HGS: variants seen among roughly 807,000 people sequenced by gnomAD.
HGS encodes the protein hepatocyte growth factor-regulated tyrosine kinase substrate.
A neutral mutation model predicts 109.7 loss-of-function variants in HGS; 63 were observed. The observed-to-expected ratio is 0.57, with a 90% CI of 0.47 to 0.71. The LOEUF is 0.71. HGS is among the 30% of genes least tolerant of loss of function. The pLI, the probability that HGS is intolerant of heterozygous loss-of-function variation, is 0.00. For synonymous variants in HGS, 546 were observed against 437.3 expected (o/e 1.25, Z -3.10); for missense variants, 995 against 1,068.3 (o/e 0.93, Z 0.96).
At chr17:81,700,392 CT>C in intron 18 of HGS, 74 bp from the exon 19 acceptor site, 4 of 1,047,124 alleles carry the variant, frequency 3.8e-6, no homozygotes, top group Non-Finnish European at 5.4e-6. Flanking sequence ...AAAAGTAAAA[CT>C]CAAGAGTAGG....
rs34868130 is a variant in HGS at position 81,695,806 on chromosome 17, G to C, written c.1200G>C (p.Glu400Asp). The C allele has an allele frequency of 2.3e-3, 3,791 of 1,613,476 alleles. 63 individuals carry two copies. In the African/African-American group the frequency reaches 0.043, roughly 18 times the overall value. ...PFSEPQFHNG[E>D]SEESHEQFLK... ...TGCAGCCACAGTTCCACAATGGCGAGTCTGAGGAGAGCCACGAGCAGTTCC... is the reference window on the plus strand; with the variant it reads ...TGCAGCCACAGTTCCACAATGGCGACTCTGAGGAGAGCCACGAGCAGTTCC... The change falls in exon 15 of 22, where the codon GAG (glutamate) becomes GAC (aspartate). Residue 400 changes from glutamate (E) to aspartate (D), a missense_variant. Physicochemically the swap from Glu to Asp is conservative, Grantham distance 45. Coordinates refer to ENST00000329138, the MANE Select transcript of HGS (RefSeq NM_004712.5).
chr17:81,688,572 CGGG>C (rs1250249218), intron 4 of HGS, 129 bp from the exon 5 acceptor site: 1 of 1,139,426 alleles, frequency 8.8e-7, no homozygotes, highest in Non-Finnish European at 1.3e-6. Context: ...ACGCCCCACT[CGGG>C]GGGCCCTCCC....
At chr17:81,686,508 A>G (rs2036981986) in intron 3 of HGS, 121 bp downstream of exon 3, 1 of 701,598 alleles carries the variant, frequency 1.4e-6, no homozygotes, top group South Asian at 1.7e-5. Context: ...CAAGCAGGAG[A>G]GTTTCCACTC....
chr17:81,699,066 CAAA>C (rs66717663), intron 18 of HGS, among the ~76,000 whole-genome samples: 1 of 98,026 alleles, frequency 1.0e-5, no homozygotes, highest in African/African-American at 4.0e-5. Flanking sequence ...GACTCCGTCT[CAAA>C]AAAAAAAAAA....
chr17:81,686,602 C>T lies in HGS; in HGVS notation c.198+215C>T, dbSNP rs527398224. Among the ~76,000 whole-genome samples the T allele has an allele frequency of 2.4e-4, 37 of 152,324 alleles. 1 individual carries two copies. In the East Asian group the frequency reaches 3.3e-3, roughly 14 times the overall value. On this transcript the variant is annotated intron_variant, in intron 3 of 21. Coordinates refer to ENST00000329138, the MANE Select transcript of HGS (RefSeq NM_004712.5). The stretch of plus-strand genomic sequence containing the variant: ...CAGGAGATAGGGGAGGGAGTGGGCA[C>T]CACTTCTTCAGCCGGTCCTGCGTGA...
At chr17:81,695,347 G>A in intron 14 of HGS, 124 bp downstream of exon 14, 6 of 1,045,342 alleles carry the variant, frequency 5.7e-6, no homozygotes, top group East Asian at 5.0e-5. Context: ...GTCTGCCCCA[G>A]CCCAGCCCTG....
At chr17:81,685,563 C>T (rs770623701) in intron 1 of HGS, 42 bp from the exon 2 acceptor site, 9 of 1,486,984 alleles carry the variant, frequency 6.1e-6, no homozygotes, top group East Asian at 2.3e-5. Flanking sequence ...ACGGGGCGTC[C>T]AGCAGGATAA....
rs755638494 is a variant in HGS, at chr17:81,693,642, G to A, written c.742-12G>A. The A allele has an allele frequency of 7.8e-6, 11 of 1,418,282 alleles. No individual in the cohort carries two copies. Among genetic ancestry groups the A allele is most frequent in the African/African-American group, 5.8e-5 (4 of 69,466 alleles). 87.9% of individuals were successfully genotyped at this position (1,418,282 alleles called of 1,614,324 possible). ...CCCGGCGCCCCCCCTCACCCTCCCC[G>A]CTTGTCCTCAGCTGCCCCCCAAGAG... On this transcript the variant is annotated splice_polypyrimidine_tract_variant and intron_variant, in intron 9 of 21. Transcript: ENST00000329138.
rs768331650 is a variant in HGS at position 81,690,196 on chromosome 17, G to C, written c.430G>C (p.Glu144Gln). 5.0e-6 allele frequency: 8 copies of C among 1,613,894 alleles called. No homozygotes were observed. The Admixed American group carries it at 1.0e-4, about 20-fold the overall frequency. Reference sequence around the variant, plus strand: ...CATCTCTCCAGGGCACGTCTTTCCAGAATTCAAAGAGAGCGATGCCATGTT... The same window carrying C: ...CATCTCTCCAGGGCACGTCTTTCCACAATTCAAAGAGAGCGATGCCATGTT... The part of the protein sequence containing the change: ...IMKVEGHVFP[E>Q]FKESDAMFAA... The change falls in exon 6 of 22, where the codon GAA becomes CAA. Residue 144 changes from glutamate to glutamine, a missense_variant. By Grantham distance (29) the Glu-to-Gln change is conservative. This residue lies in a region of HGS where 182 missense variants were observed against 261.3 expected (regional missense o/e 0.70). Coordinates refer to ENST00000329138, the MANE Select transcript of HGS (RefSeq NM_004712.5).
At position 81,684,995 on chromosome 17, in the gene HGS, G is replaced by A. The variant is rs550536607; in HGVS notation, c.38-610G>A. On this transcript the variant is annotated intron_variant, in intron 1 of 21. Transcript: ENST00000329138. ...GATCGTTTCTGTATCCGGGAAAGGC[G>A]ATGTGGGCAGAGCTGGAGCTGCCCC... 51 of 985,408 alleles carry A rather than the reference G, an allele frequency of 5.2e-5. No individual in the cohort carries two copies. In the African/African-American group the frequency reaches 8.0e-4, roughly 15 times the overall value. 61.0% of individuals were successfully genotyped at this position (985,408 alleles called of 1,614,324 possible).
chr17:81,690,207 G>A lies in HGS; in HGVS notation c.441G>A (p.Glu147=). 4.3e-6 allele frequency: 7 copies of A among 1,613,930 alleles called. No homozygotes were observed. Among genetic ancestry groups the A allele is most frequent in the Non-Finnish European group, 5.9e-6 (7 of 1,179,868 alleles). Residue 147 remains glutamate (E), a synonymous_variant, in exon 6 of 22, where the codon GAG becomes GAA. Transcript: ENST00000329138. ...GGCACGTCTTTCCAGAATTCAAAGA[G>A]AGCGATGCCATGTTTGCTGCCGAGA... ...VEGHVFPEFK[E]SDAMFAAERA... is the part of the protein sequence containing the mutation.
chr17:81,698,544 C>T (rs573069190), intron 18 of HGS, among the ~76,000 whole-genome samples: 1 of 152,288 alleles, frequency 6.6e-6, no homozygotes, highest in East Asian at 1.9e-4. Flanking sequence ...ATACTCTGTG[C>T]TCGTCTTGTA....
Position 81,684,254 on chromosome 17 carries a change from C to T in HGS, c.37+151C>T, listed in dbSNP as rs987312004. The T allele has an allele frequency of 1.1e-5, 7 of 632,702 alleles. No individual in the cohort carries two copies. In the African/African-American group the frequency reaches 1.2e-4, roughly 10 times the overall value. The allele number at this position is 632,702 out of a possible 1,614,324, so 39.2% of individuals were successfully genotyped here. A position where few individuals can be genotyped will look rare whatever the true frequency, so the allele number is the denominator to read the frequency against. ...GCTGTCCTCCCGGGTTCGGAGCCGCCGATCCTGGACCCTCGGCGCGGCCGT... is the reference window on the plus strand; with the variant it reads ...GCTGTCCTCCCGGGTTCGGAGCCGCTGATCCTGGACCCTCGGCGCGGCCGT... On this transcript the variant is annotated intron_variant, in intron 1 of 21. Transcript: ENST00000329138.
intron 2 of HGS, 55 bp from the exon 3 acceptor site, chr17:81,686,257 G>A: frequency 6.9e-7 from 1 of 1,454,280 alleles, no homozygotes; most frequent in Non-Finnish European, 9.6e-7. Flanking sequence ...CATCTTAGTT[G>A]CTGAGACTAT....
At chr17:81,684,970 G>A in intron 1 of HGS, 8 of 985,426 alleles carry the variant, frequency 8.1e-6, no homozygotes, top group Non-Finnish European at 9.6e-6. Flanking sequence ...TGGCTTGTTA[G>A]ATCGTTTCTG....
chr17:81,684,976 TTC>T (rs2036951998), intron 1 of HGS: 1 of 985,378 alleles, frequency 1.0e-6, no homozygotes, highest in African/African-American at 1.7e-5. Context: ...GTTAGATCGT[TTC>T]TGTATCCGGG....
At position 81,701,540 on chromosome 17, in the gene HGS, GC is replaced by G; in HGVS notation, c.2262del (p.Val755TrpfsTer45). On this transcript the variant is annotated frameshift_variant, in exon 22 of 22. Coordinates refer to ENST00000329138, the MANE Select transcript of HGS (RefSeq NM_004712.5). LOFTEE classifies it high-confidence loss of function. ...APSGGPPQQQ[P>X]PVAQQPQAQG... ...CCTCTGGCGGTCCCCCCCAGCAGCA[GC>G]CCCCCGTGGCCCAGCAACCGCAGGC... 2 of 1,564,570 alleles carry G rather than the reference GC, an allele frequency of 1.3e-6. No homozygotes were observed. The highest frequency in any genetic ancestry group is 1.7e-6 in the Non-Finnish European group (2 of 1,161,954).
Position 81,693,971 on chromosome 17 carries a change from C to T in HGS, c.936+6C>T, listed in dbSNP as rs372719051. The T allele has an allele frequency of 1.3e-4, 208 of 1,603,088 alleles. No homozygotes were observed. The highest frequency in any genetic ancestry group is 3.6e-4 in the African/African-American group (27 of 74,572). On this transcript the variant is annotated splice_donor_region_variant and intron_variant, in intron 11 of 21. Transcript: ENST00000329138. ...GCCTGTACTCTTCACCTGTGGTGAG[C>T]GGCCCTTGGGCTGGAGCTCCCTCTC...
chr17:81,699,289 A>G (rs2037198288), intron 18 of HGS, among the ~76,000 whole-genome samples: 1 of 152,216 alleles, frequency 6.6e-6, no homozygotes, highest in African/African-American at 2.4e-5. Flanking sequence ...GAGGCCGTGG[A>G]GTCCAGATTT....
Sources: gnomAD v4.1 joint callset for allele counts (sites outside exome capture counted in the v4.1 genomes callset) on GRCh38, gnomAD v4.1.1 for gene constraint, gnomAD v4.1.1 regional missense constraint, MANE v1.5 for transcripts, NCBI Gene and HGNC (gene_info 2026-07-23, HGNC 2026-07-21) for gene names.